Variants in EFCAB5 observed in about 807,000 individuals in gnomAD.
EFCAB5 encodes the protein EF-hand calcium-binding domain-containing protein 5.
In EFCAB5, 131 loss-of-function variants were observed where a neutral mutation model predicts 167.9. The observed-to-expected ratio is 0.78, with a 90% CI of 0.68 to 0.90. EFCAB5 has a LOEUF of 0.90. Among genes scored for constraint, EFCAB5 ranks in the 40% least tolerant of loss-of-function variants. EFCAB5 has a pLI of 0.00. For missense variants in EFCAB5, 1,663 were observed against 1,745.2 expected (o/e 0.95, Z 0.84); for synonymous variants, 574 against 602.8 (o/e 0.95, Z 0.70).
At chr17:30,107,294 A>T (rs749463253) in intron 22 of EFCAB5, among the ~76,000 whole-genome samples, 8 of 152,248 alleles carry the variant, frequency 5.3e-5, no homozygotes, top group Non-Finnish European at 1.0e-4. Context: ...ATACCTGCAT[A>T]GTCATTATGA....
intron 22 of EFCAB5, among the ~76,000 whole-genome samples, chr17:30,094,677 G>T (rs974339271): frequency 1.3e-5 from 2 of 152,052 alleles, no homozygotes; most frequent in Non-Finnish European, 2.9e-5. Flanking sequence ...ATGAGATCCT[G>T]TCTCAAAAAC....
At chr17:30,013,787 T>G (rs192884925) in intron 7 of EFCAB5, among the ~76,000 whole-genome samples, 2 of 152,360 alleles carry the variant, frequency 1.3e-5, no homozygotes, top group East Asian at 3.9e-4. Flanking sequence ...GAAGAGTTTT[T>G]GTGTCTCTAG....
chr17:30,086,905 T>G (rs1008704935), intron 18 of EFCAB5, among the ~76,000 whole-genome samples, 158 bp from the exon 19 acceptor site: 2 of 150,556 alleles, frequency 1.3e-5, no homozygotes, highest in African/African-American at 5.0e-5. Flanking sequence ...AAAAAAAAAA[T>G]TATCCTGTTC....
intron 3 of EFCAB5, among the ~76,000 whole-genome samples, chr17:29,963,350 A>G (rs974582638): frequency 1.3e-5 from 2 of 152,098 alleles, no homozygotes; most frequent in Non-Finnish European, 1.5e-5. Flanking sequence ...AATGGATTAC[A>G]TTGCTTGATT....
chr17:29,976,133 T>C (rs773820406), intron 4 of EFCAB5, among the ~76,000 whole-genome samples: 10 of 152,206 alleles, frequency 6.6e-5, no homozygotes, highest in African/African-American at 9.6e-5. Context: ...TAAACAAATA[T>C]ATTGACAAAC....
At chr17:30,099,510 C>T (rs2071352266) in intron 22 of EFCAB5, among the ~76,000 whole-genome samples, 1 of 152,126 alleles carries the variant, frequency 6.6e-6, no homozygotes, top group South Asian at 2.1e-4. Flanking sequence ...TTTTATATCT[C>T]TCCAGAAGCT....
chr17:30,106,793 A>C (rs112571298), intron 22 of EFCAB5, among the ~76,000 whole-genome samples: 2 of 152,168 alleles, frequency 1.3e-5, no homozygotes, highest in African/African-American at 4.8e-5. Flanking sequence ...TCTGTGACAG[A>C]TCTTCACATA....
Position 30,053,691 on chromosome 17 carries a change from C to T in EFCAB5, c.1737C>T (p.His579=), listed in dbSNP as rs1597731244. 1 of 1,613,868 alleles carries T rather than the reference C, an allele frequency of 6.2e-7. No homozygotes were observed. Among genetic ancestry groups the T allele is most frequent in the Non-Finnish European group, 8.5e-7 (1 of 1,179,846 alleles). The change falls in exon 10 of 23, where the codon CAC becomes CAT. Residue 579 remains histidine, a synonymous_variant. Transcript: ENST00000394835. ...AGTCAACTACAGAACAAGGACAGCACAAAGGGTCAATAGAAGGACAAGGAC... is the reference window on the plus strand; with the variant it reads ...AGTCAACTACAGAACAAGGACAGCATAAAGGGTCAATAGAAGGACAAGGAC... ...HRESTTEQGQ[H]KGSIEGQGPR...
At chr17:29,948,953 A>G in intron 3 of EFCAB5, among the ~76,000 whole-genome samples, 1 of 152,114 alleles carries the variant, frequency 6.6e-6, no homozygotes, top group Admixed American at 6.6e-5. Flanking sequence ...ATTCTACATC[A>G]TGTGCCAATG....
intron 2 of EFCAB5, among the ~76,000 whole-genome samples, 172 bp from the exon 3 acceptor site, chr17:29,943,393 T>C (rs1277090608): frequency 6.6e-6 from 1 of 152,232 alleles, no homozygotes; most frequent in Admixed American, 6.5e-5. Flanking sequence ...GAAAATACAC[T>C]GTGATTACCT....
At chr17:29,989,251 G>A (rs561267239) in intron 4 of EFCAB5, among the ~76,000 whole-genome samples, 13 of 152,148 alleles carry the variant, frequency 8.5e-5, no homozygotes, top group Non-Finnish European at 1.3e-4. Context: ...GTGAGAAATC[G>A]AGTTTTGCAA....
At chr17:30,020,842 T>A (rs2069161027) in intron 7 of EFCAB5, among the ~76,000 whole-genome samples, 1 of 152,148 alleles carries the variant, frequency 6.6e-6, no homozygotes, top group African/African-American at 2.4e-5. Flanking sequence ...TGCAATTAAA[T>A]TTTTTGGACC....
chr17:29,938,675 T>A (rs2067265107), upstream of EFCAB5, among the ~76,000 whole-genome samples: 1 of 152,248 alleles, frequency 6.6e-6, no homozygotes, highest in East Asian at 1.9e-4. Context: ...CCAGGAGTGA[T>A]TCCACCTCAA....
Position 30,053,343 on chromosome 17 carries a change from A to C in EFCAB5, c.1389A>C (p.Lys463Asn), listed in dbSNP as rs2070154793. 6.2e-7 allele frequency: 1 copy of C among 1,614,004 alleles called. No individual in the cohort carries two copies. The highest frequency in any genetic ancestry group is 1.3e-5 in the African/African-American group (1 of 75,042). ...NQKHIYEGFD[K>N]VLLEMNTLLS... ...AACACATTTATGAAGGTTTTGACAAAGTGCTCTTGGAGATGAATACATTAC... is the reference window on the plus strand; with the variant it reads ...AACACATTTATGAAGGTTTTGACAACGTGCTCTTGGAGATGAATACATTAC... The change falls in exon 10 of 23, where the codon AAA becomes AAC. Residue 463 changes from lysine (K) to asparagine (N), a missense_variant. By Grantham distance (94) the Lys-to-Asn change is moderately conservative. Transcript: ENST00000394835.
chr17:30,026,082 A>G (rs1014520246), intron 7 of EFCAB5, among the ~76,000 whole-genome samples: 1 of 151,826 alleles, frequency 6.6e-6, no homozygotes, highest in Non-Finnish European at 1.5e-5. Context: ...TGACGAGTTA[A>G]TGGGTGCAGC....
chr17:30,095,641 C>T (rs1342399712), intron 22 of EFCAB5, among the ~76,000 whole-genome samples: 1 of 152,188 alleles, frequency 6.6e-6, no homozygotes, highest in Non-Finnish European at 1.5e-5. Flanking sequence ...AAGGACCTGA[C>T]AGGAACCTTG....
intron 4 of EFCAB5, among the ~76,000 whole-genome samples, chr17:29,990,805 T>C (rs1337031443): frequency 6.6e-6 from 1 of 152,178 alleles, no homozygotes; most frequent in Non-Finnish European, 1.5e-5. Context: ...AATTCCTGCC[T>C]GAATAGAACT....
chr17:30,056,070 T>A lies in EFCAB5; in HGVS notation c.2279T>A (p.Phe760Tyr). The change falls in exon 12 of 23, where the codon TTT (phenylalanine) becomes TAT (tyrosine). Residue 760 changes from phenylalanine to tyrosine, a missense_variant. Transcript: ENST00000394835. ...ATGGAATGTGTTTTTACAGGTGAAT[T>A]TTTTACTTGTAACTGGAAAATGAAG... ...KIEGKSWSGE[F>Y]FTCNWKMKYV... The A allele has an allele frequency of 1.2e-6, 2 of 1,612,848 alleles. No homozygotes were observed.
intron 3 of EFCAB5, among the ~76,000 whole-genome samples, chr17:29,943,936 G>A (rs913893030): frequency 6.6e-6 from 1 of 151,976 alleles, no homozygotes; most frequent in Non-Finnish European, 1.5e-5. Context: ...CTCGTGGATT[G>A]CACTCCAGCC....
Sources: gnomAD v4.1 joint callset for allele counts (sites outside exome capture counted in the v4.1 genomes callset) on GRCh38, gnomAD v4.1.1 for gene constraint, MANE v1.5 for transcripts, NCBI Gene and HGNC (gene_info 2026-07-23, HGNC 2026-07-21) for gene names.